The following IQGAP1 variants were observed in gnomAD, a reference collection of about 807,000 sequenced individuals.
IQGAP1 encodes the protein IQ motif containing GTPase activating protein 1.
In IQGAP1, 66 loss-of-function variants were observed where a neutral mutation model predicts 215.6. That is an observed-to-expected ratio of 0.31 (90% CI 0.25 to 0.38). IQGAP1 has a LOEUF of 0.38. IQGAP1 is among the 10% of genes least tolerant of loss of function. IQGAP1 has a pLI of 1.00. For missense variants in IQGAP1, 1,712 were observed against 1,997.1 expected (o/e 0.86, Z 2.72); for synonymous variants, 772 against 728.7 (o/e 1.06, Z -0.96).
Position 90,487,387 on chromosome 15 carries a change from G to A in IQGAP1, c.4161-108G>A, listed in dbSNP as rs1382296024. The A allele has an allele frequency of 3.4e-5, 27 of 796,004 alleles. No homozygotes were observed. The Admixed American group carries it at 5.5e-4, about 16-fold the overall frequency. The allele number at this position is 796,004 out of a possible 1,614,324, so 49.3% of individuals were successfully genotyped here. A position where few individuals can be genotyped will look rare whatever the true frequency, so the allele number is the denominator to read the frequency against. ...CTGTGTACTGGCAGCTGCCGCTTGG[G>A]ACTTCTGTGAGGTACTGTTTGTGCT... On this transcript the variant is annotated intron_variant, in intron 32 of 37. Coordinates refer to ENST00000268182, the MANE Select transcript of IQGAP1 (RefSeq NM_003870.4).
At chr15:90,389,398 T>A (rs1016431572) in intron 1 of IQGAP1, among the ~76,000 whole-genome samples, 1 of 147,158 alleles carries the variant, frequency 6.8e-6, no homozygotes, top group Non-Finnish European at 1.5e-5. Flanking sequence ...CAGCCTGGAG[T>A]TCAGTGGTGC....
At chr15:90,423,312 C>T (rs1332424021) in intron 2 of IQGAP1, among the ~76,000 whole-genome samples, 1 of 152,202 alleles carries the variant, frequency 6.6e-6, no homozygotes, top group Admixed American at 6.5e-5. Context: ...CAACTCACTG[C>T]AGCTTCTACC....
In IQGAP1 at chr15:90,456,162, C is replaced by T. The variant is rs773717341; in HGVS notation, c.1623C>T (p.Ala541=). Reference sequence around the variant, plus strand: ...TCTCTTTATATTTAGGGATTTTAGCCATTGGTTTAATTAATGAAGCCCTGG... The same window carrying T: ...TCTCTTTATATTTAGGGATTTTAGCTATTGGTTTAATTAATGAAGCCCTGG... ...VVQEEHERIL[A]IGLINEALDE... is the part of the protein sequence containing the mutation. Residue 541 remains alanine (A), a synonymous_variant, in exon 15 of 38, where the codon GCC becomes GCT. Coordinates refer to ENST00000268182, the MANE Select transcript of IQGAP1 (RefSeq NM_003870.4). The T allele has an allele frequency of 3.7e-6, 6 of 1,612,562 alleles. No individual in the cohort carries two copies. The highest frequency in any genetic ancestry group is 1.7e-6 in the Non-Finnish European group (2 of 1,179,380).
chr15:90,481,681 C>A (rs765744683), intron 26 of IQGAP1, among the ~76,000 whole-genome samples: 1 of 152,162 alleles, frequency 6.6e-6, no homozygotes, highest in Non-Finnish European at 1.5e-5. Context: ...TTGTGTGTCG[C>A]TCCCACCAGA....
chr15:90,450,835 T>A (rs2151023084), intron 11 of IQGAP1, among the ~76,000 whole-genome samples: 1 of 151,194 alleles, frequency 6.6e-6, no homozygotes, highest in African/African-American at 2.4e-5. Context: ...TTTTGGCTGT[T>A]GTTTGAATTT....
intron 26 of IQGAP1, among the ~76,000 whole-genome samples, chr15:90,478,601 G>A (rs1161153236): frequency 6.6e-6 from 1 of 152,132 alleles, no homozygotes; most frequent in Non-Finnish European, 1.5e-5. Flanking sequence ...AGGTGGTTAG[G>A]GAAAGCCTAT....
At chr15:90,411,825 C>G (rs1299558691) in intron 2 of IQGAP1, among the ~76,000 whole-genome samples, 1 of 152,164 alleles carries the variant, frequency 6.6e-6, no homozygotes, top group East Asian at 1.9e-4. Context: ...AGACAGCTGA[C>G]CATGGTAATG....
chr15:90,447,314 C>T (rs555419410), intron 9 of IQGAP1, among the ~76,000 whole-genome samples: 1 of 152,126 alleles, frequency 6.6e-6, no homozygotes, highest in Non-Finnish European at 1.5e-5. Flanking sequence ...CACATCCATA[C>T]CAATGTTTTA....
intron 2 of IQGAP1, among the ~76,000 whole-genome samples, chr15:90,413,955 C>T (rs1358549321): frequency 6.6e-6 from 1 of 152,214 alleles, no homozygotes. Context: ...GCCGCCTCTG[C>T]TCTTCAGAAC....
At position 90,494,764 on chromosome 15, in the gene IQGAP1, T is replaced by C; in HGVS notation, c.4680T>C (p.Ser1560=). 6.2e-7 allele frequency: 1 copy of C among 1,609,488 alleles called. No individual in the cohort carries two copies. The highest frequency in any genetic ancestry group is 8.5e-7 in the Non-Finnish European group (1 of 1,176,992). Residue 1560 remains serine (S), a synonymous_variant, in exon 36 of 38, where the codon TCT becomes TCC. Transcript: ENST00000268182. ...EMKGKKSKKI[S]LKYTAARLHE... is the part of the protein sequence containing the mutation. ...AAGGAAAGAAAAGCAAAAAGATTTC[T>C]CTGAAATATACAGCAGCAAGACTAC...
At position 90,501,447 on chromosome 15, in the gene IQGAP1, A is replaced by G. The variant is rs571067784; in HGVS notation, c.*1339A>G. 4 of 151,708 alleles carry G rather than the reference A, an allele frequency of 2.6e-5. No individual in the cohort carries two copies. Among genetic ancestry groups the G allele is most frequent in the Non-Finnish European group, 5.9e-5 (4 of 67,920 alleles). The allele number at this position is 151,708 out of a possible 1,614,324, so 9.4% of individuals were successfully genotyped here. A position where few individuals can be genotyped will look rare whatever the true frequency, so the allele number is the denominator to read the frequency against. On this transcript the variant is annotated 3_prime_UTR_variant, in exon 38 of 38. Transcript: ENST00000268182. Reference sequence around the variant, plus strand: ...ATTGAAATCATGCTGCTGAGCCTCTATTTTCTTTCTTTGATGTTTTGATTC... The same window carrying G: ...ATTGAAATCATGCTGCTGAGCCTCTGTTTTCTTTCTTTGATGTTTTGATTC...
chr15:90,399,731 C>G lies in IQGAP1; in HGVS notation c.155+8858C>G, dbSNP rs117240805. Among the ~76,000 whole-genome samples the G allele has an allele frequency of 1.7e-3, 260 of 152,098 alleles. 1 individual carries two copies. Among genetic ancestry groups the G allele is most frequent in the Middle Eastern group, 3.4e-3 (1 of 294 alleles). ...ATGTTGATTGTAAGGGGAACTTATCCCGAACTTCTGGCCTTAGGTGATCCT... is the reference window on the plus strand; with the variant it reads ...ATGTTGATTGTAAGGGGAACTTATCGCGAACTTCTGGCCTTAGGTGATCCT... On this transcript the variant is annotated intron_variant, in intron 2 of 37. Transcript: ENST00000268182.
At chr15:90,467,243 A>G (rs975856744) in intron 17 of IQGAP1, among the ~76,000 whole-genome samples, 9 of 152,218 alleles carry the variant, frequency 5.9e-5, no homozygotes, top group Non-Finnish European at 1.2e-4. Flanking sequence ...TTTTCTTCTT[A>G]TAGACATAAA....
intron 14 of IQGAP1, among the ~76,000 whole-genome samples, chr15:90,455,196 T>C (rs1797981319): frequency 6.6e-6 from 1 of 152,192 alleles, no homozygotes; most frequent in Non-Finnish European, 1.5e-5. Context: ...CACCTGAGTT[T>C]TGGGTGTCCA....
chr15:90,417,714 A>C (rs1305162426), intron 2 of IQGAP1, among the ~76,000 whole-genome samples: 3 of 152,286 alleles, frequency 2.0e-5, no homozygotes, highest in Non-Finnish European at 4.4e-5. Flanking sequence ...TGGGTTCCAT[A>C]TGAACTTTAA....
chr15:90,408,692 G>T (rs533651877), intron 2 of IQGAP1, among the ~76,000 whole-genome samples: 1 of 152,126 alleles, frequency 6.6e-6, no homozygotes, highest in Non-Finnish European at 1.5e-5. Context: ...CTACCTTCCT[G>T]CATCGTGGCT....
intron 2 of IQGAP1, among the ~76,000 whole-genome samples, chr15:90,392,502 G>C (rs1044449036): frequency 6.6e-6 from 1 of 152,272 alleles, no homozygotes; most frequent in African/African-American, 2.4e-5. Flanking sequence ...CTGGGGGTGA[G>C]AGGGAAGAGC....
chr15:90,486,088 T>A lies in IQGAP1; in HGVS notation c.3980T>A (p.Leu1327Gln). 1 of 1,614,070 alleles carries A rather than the reference T, an allele frequency of 6.2e-7. No individual in the cohort carries two copies. Among genetic ancestry groups the A allele is most frequent in the Non-Finnish European group, 8.5e-7 (1 of 1,180,002 alleles). The change falls in exon 31 of 38, where the codon CTG (leucine) becomes CAG (glutamine). Residue 1327 changes from leucine (L) to glutamine (Q), a missense_variant. Transcript: ENST00000268182. ...GAGCACAATGATCCAATCCACGAAC[T>A]GCTGGACGACCTCGGCGAGGTGCCC... Reference protein sequence around the residue: ...APEHNDPIHELLDDLGEVPTI... With the variant: ...APEHNDPIHEQLDDLGEVPTI...
At chr15:90,432,611 A>G (rs1162637168) in intron 4 of IQGAP1, among the ~76,000 whole-genome samples, 3 of 152,176 alleles carry the variant, frequency 2.0e-5, no homozygotes, top group African/African-American at 7.2e-5. Context: ...TGTAGATTTT[A>G]AAAAACAATA....
Sources: allele counts gnomAD v4.1 joint callset (sites outside exome capture counted in the v4.1 genomes callset), GRCh38; gene constraint gnomAD v4.1.1; transcripts MANE v1.5; gene names NCBI Gene and HGNC (gene_info 2026-07-23, HGNC 2026-07-21).